MAPDA: variants seen among roughly 807,000 people sequenced by gnomAD.
MAPDA encodes the protein N6-Methyl-AMP deaminase.
At chr15:43,336,743 A>G in the MAPDA span, 6 of 1,344,922 alleles carry the variant, frequency 4.5e-6, no homozygotes, top group African/African-American at 4.6e-5. Context: ...ATTTCCTTCC[A>G]TTATTGCACA....
chr15:43,348,611 T>C, the MAPDA span, among the ~76,000 whole-genome samples: 1 of 152,226 alleles, frequency 6.6e-6, no homozygotes, highest in Non-Finnish European at 1.5e-5. Context: ...TCAGCTTTAA[T>C]TTCTTCATCT....
At chr15:43,350,996 C>A in the MAPDA span, 5 of 1,551,634 alleles carry the variant, frequency 3.2e-6, no homozygotes, top group East Asian at 7.3e-5. Flanking sequence ...ATGACCAGCA[C>A]CATTTCGGAT....
chr15:43,352,054 T>C, the MAPDA span: 1 of 1,146,424 alleles, frequency 8.7e-7, no homozygotes, highest in Non-Finnish European at 1.2e-6. Context: ...ACCAAGTTCC[T>C]TGGGCTCTAT....
At chr15:43,333,850 C>T in the MAPDA span, among the ~76,000 whole-genome samples, 1 of 152,212 alleles carries the variant, frequency 6.6e-6, no homozygotes, top group Non-Finnish European at 1.5e-5. Context: ...CCCAGAGAGT[C>T]AAGGTGGCTA....
At chr15:43,331,544 T>G in the MAPDA span, among the ~76,000 whole-genome samples, 2 of 152,146 alleles carry the variant, frequency 1.3e-5, no homozygotes, top group Admixed American at 6.5e-5. Flanking sequence ...AGAGTGTGAG[T>G]TTTGGAGTCC....
At chr15:43,346,463 C>T in the MAPDA span, among the ~76,000 whole-genome samples, 3 of 152,212 alleles carry the variant, frequency 2.0e-5, no homozygotes, top group Admixed American at 6.5e-5. Flanking sequence ...CATCCTTGGC[C>T]TCTACCCACT....
At chr15:43,348,983 A>G in the MAPDA span, 3,047 of 1,614,054 alleles carry the variant, frequency 1.9e-3, 57 homozygotes, top group African/African-American at 0.037. Flanking sequence ...ACATTTCTCA[A>G]CTCCGGTGAG....
the MAPDA span, among the ~76,000 whole-genome samples, chr15:43,342,516 A>G: frequency 5.9e-5 from 9 of 151,866 alleles, no homozygotes; most frequent in African/African-American, 2.2e-4. Flanking sequence ...TGGGAGGCCA[A>G]GGCGGGCGTG....
At chr15:43,340,138 G>A in the MAPDA span, 15 of 793,656 alleles carry the variant, frequency 1.9e-5, no homozygotes, top group East Asian at 1.1e-4. Context: ...TCTCTACCAC[G>A]TGAGAAACTT....
the MAPDA span, chr15:43,351,003 G>A: frequency 8.4e-6 from 13 of 1,551,392 alleles, no homozygotes; most frequent in South Asian, 1.2e-5. Flanking sequence ...GCACCATTTC[G>A]GATTCTGGTA....
the MAPDA span, among the ~76,000 whole-genome samples, chr15:43,331,229 G>A: frequency 6.6e-6 from 1 of 152,316 alleles, no homozygotes. Context: ...CACCGCCTTG[G>A]AGAATTCTGT....
the MAPDA span, chr15:43,354,181 G>A: frequency 6.6e-6 from 1 of 152,206 alleles, no homozygotes; most frequent in African/African-American, 2.4e-5. Flanking sequence ...CATTTGGTCA[G>A]AGAAGTTTTC....
the MAPDA span, chr15:43,352,123 A>G: frequency 7.0e-5 from 35 of 503,394 alleles, no homozygotes; most frequent in East Asian, 5.5e-4. Flanking sequence ...CTGACTCACA[A>G]GCTCTCAGGT....
the MAPDA span, chr15:43,346,032 G>A: frequency 1.2e-6 from 2 of 1,607,584 alleles, no homozygotes; most frequent in Non-Finnish European, 1.7e-6. Context: ...GAATCAGTGG[G>A]ATAAGGACTA....
the MAPDA span, chr15:43,347,144 T>C: frequency 2.1e-5 from 31 of 1,463,420 alleles, no homozygotes; most frequent in African/African-American, 4.2e-5. Flanking sequence ...TAATAGAAAA[T>C]AATAGGGTCA....
At chr15:43,343,013 T>A in the MAPDA span, 1 of 1,584,740 alleles carries the variant, frequency 6.3e-7, no homozygotes, top group Admixed American at 1.9e-5. Context: ...AAAAGACTTA[T>A]GTGGAATCTA....
the MAPDA span, chr15:43,334,910 T>C: frequency 1.0e-5 from 5 of 486,260 alleles, no homozygotes; most frequent in African/African-American, 2.1e-5. Flanking sequence ...TTTCTTTGCT[T>C]TTACATCTGA....
the MAPDA span, among the ~76,000 whole-genome samples, chr15:43,337,694 C>G: frequency 6.6e-6 from 1 of 152,180 alleles, no homozygotes; most frequent in Non-Finnish European, 1.5e-5. Context: ...AAATTTTCCT[C>G]TTTGGTAAAG....
chr15:43,350,188 C>T, the MAPDA span, among the ~76,000 whole-genome samples: 2 of 151,864 alleles, frequency 1.3e-5, no homozygotes, highest in African/African-American at 4.8e-5. Flanking sequence ...TCCCCAGCCT[C>T]CTGAGTAGCT....
Sources: allele counts gnomAD v4.1 joint callset (sites outside exome capture counted in the v4.1 genomes callset), GRCh38; gene constraint gnomAD v4.1.1; transcripts MANE v1.5; gene names NCBI Gene and HGNC (gene_info 2026-07-23, HGNC 2026-07-21).